NPAS4: variants seen among roughly 807,000 people sequenced by gnomAD.
NPAS4 encodes the protein neuronal PAS domain protein 4, also known as neuronal PAS domain-containing protein 4.
NPAS4 carries 10 observed loss-of-function variants against 64.0 expected under a neutral mutation model. The ratio of observed to expected loss-of-function variants is 0.16; its 90% CI spans 0.10 to 0.26. The LOEUF (loss-of-function observed/expected upper bound fraction) is 0.26, where lower values mean the gene tolerates loss of function less well. NPAS4 is among the 10% of genes least tolerant of loss of function. The pLI is 1.00. For synonymous variants in NPAS4, 441 were observed against 411.7 expected (o/e 1.07, Z -0.86); for missense variants, 886 against 992.6 (o/e 0.89, Z 1.44).
chr11:66,424,899 C>T lies in NPAS4; in HGVS notation c.2009C>T (p.Ser670Phe). 2 of 1,613,626 alleles carry T rather than the reference C, an allele frequency of 1.2e-6. No individual in the cohort carries two copies. The highest frequency in any genetic ancestry group is 1.7e-4 in the Middle Eastern group (1 of 6,058). ...EPLGGLEPLD[S>F]NLSLSGAGPP... is the part of the protein sequence containing the mutation. ...CTTGGAGGACTGGAGCCCCTGGACT[C>T]CAACCTGTCCCTGTCAGGGGCAGGC... The change falls in exon 7 of 8, where the codon TCC (serine) becomes TTC (phenylalanine). Residue 670 changes from serine to phenylalanine, a missense_variant. By Grantham distance (155) the Ser-to-Phe change is radical (BLOSUM62 -2). Transcript: ENST00000311034.
upstream of NPAS4, among the ~76,000 whole-genome samples, chr11:66,418,481 G>T (rs1403373241): frequency 6.6e-6 from 1 of 152,150 alleles, no homozygotes; most frequent in Non-Finnish European, 1.5e-5. Context: ...TCACGGAGGT[G>T]GGAGGCAAGG....
At chr11:66,415,252 A>G in the NPAS4 span, among the ~76,000 whole-genome samples, 1 of 152,162 alleles carries the variant, frequency 6.6e-6, no homozygotes, top group Admixed American at 6.5e-5. Flanking sequence ...GGAAACCAAT[A>G]AGGAGCCTGA....
the NPAS4 span, among the ~76,000 whole-genome samples, chr11:66,414,694 T>A: frequency 2.0e-5 from 3 of 152,224 alleles, no homozygotes; most frequent in African/African-American, 7.2e-5. Context: ...CTTGCTAAGA[T>A]GCAGCGGAAG....
intron 4 of NPAS4, 78 bp from the exon 5 acceptor site, chr11:66,423,045 G>T: frequency 2.7e-6 from 4 of 1,505,662 alleles, no homozygotes; most frequent in Non-Finnish European, 3.6e-6. Flanking sequence ...GGGGGGCAGA[G>T]GATCTGGGAG....
chr11:66,426,090 G>A lies in NPAS4; in HGVS notation c.*101G>A, dbSNP rs1683081671. On this transcript the variant is annotated 3_prime_UTR_variant, in exon 8 of 8. Coordinates refer to ENST00000311034, the MANE Select transcript of NPAS4 (RefSeq NM_178864.4). ...ACTGTTGGGGGGATTCTGAGGGCCA[G>A]AGGGGGATATATATGATTCCCCAGG... The A allele has an allele frequency of 5.3e-6, 4 of 753,644 alleles. No individual in the cohort carries two copies. Among genetic ancestry groups the A allele is most frequent in the South Asian group, 2.8e-5 (2 of 72,290 alleles). 46.7% of individuals were successfully genotyped at this position (753,644 alleles called of 1,614,324 possible).
rs759912439 is a variant in NPAS4, at chr11:66,422,848, G to T, written c.605G>T (p.Gly202Val). 16 of 1,613,606 alleles carry T rather than the reference G, an allele frequency of 9.9e-6. No individual in the cohort carries two copies. In the Admixed American group the frequency reaches 2.7e-4, roughly 27 times the overall value. ...CAPLEPRPRPGPGPGPGPASL... is the reference protein window; with the variant it reads ...CAPLEPRPRPVPGPGPGPASL... ...CCTCTGGAGCCGAGACCCCGCCCAG[G>T]TCCTGGCCCTGGCCCTGGCCCTGCC... The change falls in exon 4 of 8, where the codon GGT (glycine) becomes GTT (valine). Residue 202 changes from glycine to valine, a missense_variant. By Grantham distance (109) the Gly-to-Val change is moderately radical. Coordinates refer to ENST00000311034, the MANE Select transcript of NPAS4 (RefSeq NM_178864.4).
upstream of NPAS4, among the ~76,000 whole-genome samples, chr11:66,416,228 C>T (rs1856667534): frequency 6.6e-6 from 1 of 152,214 alleles, no homozygotes; most frequent in Non-Finnish European, 1.5e-5. Flanking sequence ...CCCATGCCAA[C>T]CTCAGCTGGC....
intron 1 of NPAS4, among the ~76,000 whole-genome samples, chr11:66,421,679 A>C (rs574081268): frequency 1.3e-5 from 2 of 152,202 alleles, no homozygotes; most frequent in South Asian, 4.1e-4. Context: ...AGTTGCAGGG[A>C]TGGAGCTGCC....
chr11:66,416,888 G>A (rs886080229), upstream of NPAS4: 1 of 152,108 alleles, frequency 6.6e-6, no homozygotes, highest in African/African-American at 2.4e-5. Context: ...GAGTCTCCAT[G>A]CTGTTCTGAA....
chr11:66,422,518 G>T lies in NPAS4; in HGVS notation c.395G>T (p.Arg132Leu), dbSNP rs750781616. The change falls in exon 3 of 8, where the codon CGC becomes CTC. Residue 132 changes from arginine to leucine, a missense_variant. Coordinates refer to ENST00000311034, the MANE Select transcript of NPAS4 (RefSeq NM_178864.4). ...IIDPADHLTV[R>L]QQLTLPSALD... is the part of the protein sequence containing the mutation. Reference sequence around the variant, plus strand: ...GACCCAGCTGACCACCTCACTGTGCGCCAGCAACTCACCCTGCCCTCTGCC... The same window carrying T: ...GACCCAGCTGACCACCTCACTGTGCTCCAGCAACTCACCCTGCCCTCTGCC... The T allele has an allele frequency of 3.7e-6, 6 of 1,613,842 alleles. No individual in the cohort carries two copies. The highest frequency in any genetic ancestry group is 1.3e-5 in the African/African-American group (1 of 74,842).
chr11:66,423,718 G>A lies in NPAS4; in HGVS notation c.944+5G>A. On this transcript the variant is annotated splice_donor_5th_base_variant and intron_variant, in intron 6 of 7. Transcript: ENST00000311034. The stretch of plus-strand genomic sequence containing the variant: ...TGCCAATAACTACCCAATCAGGTAA[G>A]CCACAAGCCAGGGGACTAGGGGGCA... The A allele has an allele frequency of 6.2e-7, 1 of 1,614,142 alleles. No individual in the cohort carries two copies. The highest frequency in any genetic ancestry group is 8.5e-7 in the Non-Finnish European group (1 of 1,180,016).
At chr11:66,416,987 A>G (rs1491001460), upstream of NPAS4, 1 of 152,172 alleles carries the variant, frequency 6.6e-6, no homozygotes, top group Non-Finnish European at 1.5e-5. Flanking sequence ...CTCTTCTCTG[A>G]TAAAGGCTGG....
chr11:66,425,012 A>T lies in NPAS4; in HGVS notation c.2122A>T (p.Thr708Ser), dbSNP rs770572999. 6.2e-7 allele frequency: 1 copy of T among 1,613,900 alleles called. No homozygotes were observed. Among genetic ancestry groups the T allele is most frequent in the African/African-American group, 1.3e-5 (1 of 74,998 alleles). The change falls in exon 7 of 8, where the codon ACG (threonine) becomes TCG (serine). Residue 708 changes from threonine (T) to serine (S), a missense_variant. Around this residue, in one of 3 missense-constraint regions of NPAS4, gnomAD observed 820 missense variants for 855.5 expected, o/e 0.96. Coordinates refer to ENST00000311034, the MANE Select transcript of NPAS4 (RefSeq NM_178864.4). ...CCCTGATAACATGTTCCTGGAAGAG[A>T]CGCCCGTGGAAGACATCTTCATGGA... ...ADPDNMFLEE[T>S]PVEDIFMDLS...
chr11:66,423,396 T>G (rs1856782342), intron 5 of NPAS4, 164 bp downstream of exon 5: 1 of 829,508 alleles, frequency 1.2e-6, no homozygotes, highest in East Asian at 2.6e-5. Flanking sequence ...AAGGCAATAA[T>G]CAAATCAGAA....
chr11:66,411,095 C>G, the NPAS4 span: 8 of 152,362 alleles, frequency 5.3e-5, no homozygotes, highest in African/African-American at 1.9e-4. Context: ...CAGGCCAGGT[C>G]TCCAGGGTCC....
At position 66,423,988 on chromosome 11, in the gene NPAS4, A is replaced by G. The variant is rs756295950; in HGVS notation, c.1098A>G (p.Ala366=). 8 of 1,614,140 alleles carry G rather than the reference A, an allele frequency of 5.0e-6. No homozygotes were observed. In the South Asian group the frequency reaches 8.8e-5, roughly 18 times the overall value. Residue 366 remains alanine, a synonymous_variant, in exon 7 of 8, where the codon GCA becomes GCG. Coordinates refer to ENST00000311034, the MANE Select transcript of NPAS4 (RefSeq NM_178864.4). ...GCACTAACCCACTCTTCACCGCAGC[A>G]CTGGGGGCTCCCAGAAGCACCAGCT... ...CSSTNPLFTA[A]LGAPRSTSFP...
At position 66,424,526 on chromosome 11, in the gene NPAS4, A is replaced by C. The variant is rs1856809076; in HGVS notation, c.1636A>C (p.Ser546Arg). 6.2e-7 allele frequency: 1 copy of C among 1,614,040 alleles called. No homozygotes were observed. The highest frequency in any genetic ancestry group is 8.5e-7 in the Non-Finnish European group (1 of 1,180,026). Reference sequence around the variant, plus strand: ...ATTCCAAGCACACCTGGACAGCCCCAGCCAAACCTTCCCAGAGCAACTGAG... The same window carrying C: ...ATTCCAAGCACACCTGGACAGCCCCCGCCAAACCTTCCCAGAGCAACTGAG... The part of the protein sequence containing the change: ...TAFQAHLDSP[S>R]QTFPEQLSPN... Residue 546 changes from serine (S) to arginine (R), a missense_variant, in exon 7 of 8, where the codon AGC (serine) becomes CGC (arginine). By Grantham distance (110) the Ser-to-Arg change is moderately radical. Around this residue, in one of 3 missense-constraint regions of NPAS4, gnomAD observed 820 missense variants for 855.5 expected, o/e 0.96. Transcript: ENST00000311034.
At position 66,424,554 on chromosome 11, in the gene NPAS4, C is replaced by T. The variant is rs866649632; in HGVS notation, c.1664C>T (p.Pro555Leu). 2 of 1,614,182 alleles carry T rather than the reference C, an allele frequency of 1.2e-6. No homozygotes were observed. The highest frequency in any genetic ancestry group is 1.6e-4 in the Middle Eastern group (1 of 6,062). Reference sequence around the variant, plus strand: ...CAAACCTTCCCAGAGCAACTGAGCCCCAACCCTACCAAGACTTACTTTGCC... The same window carrying T: ...CAAACCTTCCCAGAGCAACTGAGCCTCAACCCTACCAAGACTTACTTTGCC... ...PSQTFPEQLS[P>L]NPTKTYFAQE... The change falls in exon 7 of 8, where the codon CCC (proline) becomes CTC (leucine). Residue 555 changes from proline (P) to leucine (L), a missense_variant. Physicochemically the swap from Pro to Leu is moderately conservative, Grantham distance 98. Around this residue, in one of 3 missense-constraint regions of NPAS4, gnomAD observed 820 missense variants for 855.5 expected, o/e 0.96. Coordinates refer to ENST00000311034, the MANE Select transcript of NPAS4 (RefSeq NM_178864.4).
At position 66,426,634 on chromosome 11, in the gene NPAS4, C is replaced by G. The variant is rs1230753190; in HGVS notation, c.*645C>G. Reference sequence around the variant, plus strand: ...GGCCGCCAGACTGCCTGGGCCTGCCCAGATGGCCACCTCGTGGTGCTGCGG... The same window carrying G: ...GGCCGCCAGACTGCCTGGGCCTGCCGAGATGGCCACCTCGTGGTGCTGCGG... On this transcript the variant is annotated 3_prime_UTR_variant, in exon 8 of 8. Transcript: ENST00000311034. 6.5e-6 allele frequency: 1 copy of G among 152,898 alleles called. No homozygotes were observed. The highest frequency in any genetic ancestry group is 6.5e-5 in the Admixed American group (1 of 15,292). The allele number at this position is 152,898 out of a possible 1,614,324, so 9.5% of individuals were successfully genotyped here. A position where few individuals can be genotyped will look rare whatever the true frequency, so the allele number is the denominator to read the frequency against.
Sources: allele counts gnomAD v4.1 joint callset (sites outside exome capture counted in the v4.1 genomes callset), GRCh38; gene constraint gnomAD v4.1.1; regional missense constraint gnomAD v4.1.1; transcripts MANE v1.5; gene names NCBI Gene and HGNC (gene_info 2026-07-23, HGNC 2026-07-21).